LIX1L: variants seen among roughly 807,000 people sequenced by gnomAD.
The protein encoded by LIX1L is LIX1-like protein.
A neutral mutation model predicts 34.0 loss-of-function variants in LIX1L; 20 were observed. That is an observed-to-expected ratio of 0.59 (90% CI 0.41 to 0.85). The LOEUF is 0.85. Among genes scored for constraint, LIX1L ranks in the 40% least tolerant of loss-of-function variants. The pLI, the probability that LIX1L is intolerant of heterozygous loss-of-function variation, is 0.00. For missense variants in LIX1L, 397 were observed against 447.0 expected (o/e 0.89, Z 1.01); for synonymous variants, 170 against 187.4 (o/e 0.91, Z 0.76).
At chr1:145,952,151 T>C (rs2101907210) in intron 1 of LIX1L, among the ~76,000 whole-genome samples, 1 of 152,294 alleles carries the variant, frequency 6.6e-6, no homozygotes, top group African/African-American at 2.4e-5. Context: ...AATCTAGATT[T>C]CCGGGGGCCA....
At chr1:145,956,473 G>A (rs1008243255) in intron 1 of LIX1L, among the ~76,000 whole-genome samples, 11 of 152,140 alleles carry the variant, frequency 7.2e-5, no homozygotes, top group Admixed American at 6.5e-4. Context: ...AGAAACTGAA[G>A]CTCAGTGAAA....
chr1:145,946,757 TATG>T (rs1553759292), intron 2 of LIX1L, among the ~76,000 whole-genome samples: 1 of 152,174 alleles, frequency 6.6e-6, no homozygotes, highest in African/African-American at 2.4e-5. Flanking sequence ...TAATAAGTGA[TATG>T]ATAGGGGAAG....
intron 2 of LIX1L, chr1:145,944,393 T>C (rs946943772): frequency 1.9e-4 from 29 of 152,188 alleles, no homozygotes; most frequent in African/African-American, 6.3e-4. Context: ...AGGATGTGTT[T>C]AGTACTTAAG....
chr1:145,957,552 G>T, intron 1 of LIX1L, 84 bp downstream of exon 1: 2 of 1,358,146 alleles, frequency 1.5e-6, no homozygotes, highest in Non-Finnish European at 1.9e-6. Flanking sequence ...AGGGCTCCAC[G>T]CCAGGAAAAG....
rs181303296 is a variant in LIX1L at position 145,947,652 on chromosome 1, G to A, written c.423C>T (p.Thr141=). Residue 141 remains threonine (T), a synonymous_variant, in exon 2 of 6, where the codon ACC becomes ACT. Coordinates refer to ENST00000604000, the MANE Select transcript of LIX1L (RefSeq NM_153713.3). ...TCCCAAAGCAGCTTCCCCCAGGCAG[G>A]GTGACATAGCAGACATAAGGAGGGC... ...SNSPPYVCYV[T]LPGGSCFGSF... 1 of 1,614,062 alleles carries A rather than the reference G, an allele frequency of 6.2e-7. No homozygotes were observed. Among genetic ancestry groups the A allele is most frequent in the Admixed American group, 1.7e-5 (1 of 60,012 alleles).
intron 3 of LIX1L, chr1:145,942,099 T>C (rs1334067609): frequency 6.6e-6 from 1 of 151,942 alleles, no homozygotes; most frequent in East Asian, 1.9e-4. Context: ...TTAGCCAGGA[T>C]GGTCTCGATC....
intron 1 of LIX1L, among the ~76,000 whole-genome samples, chr1:145,951,828 C>T (rs1476491252): frequency 1.3e-5 from 2 of 152,130 alleles, no homozygotes; most frequent in Non-Finnish European, 2.9e-5. Flanking sequence ...TTGGGAAGGT[C>T]CTATTAAAAA....
In LIX1L at chr1:145,945,501, C is replaced by T. The variant is rs587684860; in HGVS notation, c.456+2118G>A. ...GTGGCTCACGCCTGTAATTCCAGCA[C>T]CTTGGGAGGCCGAGGTGGGCGGATT... On this transcript the variant is annotated intron_variant, in intron 2 of 5. Transcript: ENST00000604000. 4.6e-5 allele frequency among the ~76,000 whole-genome samples: 7 copies of T among 151,960 alleles called. No homozygotes were observed. In the South Asian group the frequency reaches 8.3e-4, roughly 18 times the overall value.
In LIX1L at chr1:145,936,443, T is replaced by C. The variant is rs1553757823; in HGVS notation, c.881A>G (p.Glu294Gly). The C allele has an allele frequency of 6.2e-7, 1 of 1,614,058 alleles. No individual in the cohort carries two copies. The highest frequency in any genetic ancestry group is 2.2e-5 in the East Asian group (1 of 44,872). The change falls in exon 6 of 6, where the codon GAG (glutamate) becomes GGG (glycine). Residue 294 changes from glutamate (E) to glycine (G), a missense_variant. Physicochemically the swap from Glu to Gly is moderately conservative, Grantham distance 98. Transcript: ENST00000604000. ...CAGCTCCCGCTCAGTAGAGGCCAGC[T>C]CTCTAGACAGTGCCCCCGGCACACT... ...EQSVPGALSR[E>G]LASTERELDE...
intron 2 of LIX1L, among the ~76,000 whole-genome samples, chr1:145,944,057 A>G (rs2101899601): frequency 6.8e-6 from 1 of 146,776 alleles, no homozygotes; most frequent in African/African-American, 2.5e-5. Context: ...GAAAACTTAA[A>G]ATAAAAAGTA....
chr1:145,936,563 AG>A lies in LIX1L; in HGVS notation c.772-12del. 3 of 1,613,870 alleles carry A rather than the reference AG, an allele frequency of 1.9e-6. No homozygotes were observed. The East Asian group carries it at 6.7e-5, about 36-fold the overall frequency. On this transcript the variant is annotated splice_polypyrimidine_tract_variant and intron_variant, in intron 5 of 5. Transcript: ENST00000604000. ...ATGAGCCAACACCTCCTAGTAGGGGAGGGGAATGTGAACATCATTGAGAAGG... is the reference window on the plus strand; with the variant it reads ...ATGAGCCAACACCTCCTAGTAGGGGAGGGAATGTGAACATCATTGAGAAGG...
rs1553757788 is a variant in LIX1L, at chr1:145,936,304, G to T, written c.*6C>A. The T allele has an allele frequency of 6.2e-7, 1 of 1,613,616 alleles. No homozygotes were observed. The highest frequency in any genetic ancestry group is 2.2e-5 in the East Asian group (1 of 44,878). On this transcript the variant is annotated 3_prime_UTR_variant, in exon 6 of 6. Transcript: ENST00000604000. ...GGAAAGCCTGGGGAGTTATGTGGGT[G>T]GATGCCTAGCAGTTGGAAGAATGCA...
chr1:145,943,405 G>A (rs1648993295), intron 2 of LIX1L, among the ~76,000 whole-genome samples: 1 of 152,162 alleles, frequency 6.6e-6, no homozygotes, highest in African/African-American at 2.4e-5. Context: ...GTGAGCCAAA[G>A]GAGCTATCCC....
At chr1:145,954,675 G>A (rs1261881147) in intron 1 of LIX1L, among the ~76,000 whole-genome samples, 2 of 152,160 alleles carry the variant, frequency 1.3e-5, no homozygotes, top group Non-Finnish European at 2.9e-5. Flanking sequence ...TGTCAAACAT[G>A]AGAAAGAGAC....
chr1:145,937,437 G>A (rs1648702330), intron 4 of LIX1L, 167 bp downstream of exon 4: 2 of 535,776 alleles, frequency 3.7e-6, no homozygotes, highest in African/African-American at 1.9e-5. Context: ...GGGATTACAG[G>A]CCTGAGCCAC....
chr1:145,953,860 C>G (rs1553760066), intron 1 of LIX1L, among the ~76,000 whole-genome samples: 1 of 152,056 alleles, frequency 6.6e-6, no homozygotes, highest in African/African-American at 2.4e-5. Flanking sequence ...TCAAGATCAG[C>G]CTGGGCAACA....
intron 1 of LIX1L, among the ~76,000 whole-genome samples, chr1:145,954,942 T>G (rs1553760208): frequency 6.6e-6 from 1 of 152,228 alleles, no homozygotes; most frequent in African/African-American, 2.4e-5. Flanking sequence ...AAACAATGTT[T>G]GTTTGGCTCC....
In LIX1L at chr1:145,936,192, C is replaced by CAT; in HGVS notation, c.*116_*117dup. ...GGAATCTAGGTGTAGAATTTATACA[C>CAT]ATATATATTTTTTAAAGTATAAAAA... On this transcript the variant is annotated 3_prime_UTR_variant, in exon 6 of 6. Transcript: ENST00000604000. The CAT allele has an allele frequency of 8.7e-7, 1 of 1,148,774 alleles. No homozygotes were observed. Among genetic ancestry groups the CAT allele is most frequent in the East Asian group, 2.6e-5 (1 of 38,762 alleles). 71.2% of individuals were successfully genotyped at this position (1,148,774 alleles called of 1,614,324 possible). A position where few individuals can be genotyped will look rare whatever the true frequency, so the allele number is the denominator to read the frequency against.
rs1458314078 is a variant in LIX1L, at chr1:145,948,742, GA to G, written c.293-961del. ...CTTCACATCTTGCTAGGTACACCAAGATTGCAAATCCCTGACTGCTCTTTAC... is the reference window on the plus strand; with the variant it reads ...CTTCACATCTTGCTAGGTACACCAAGTTGCAAATCCCTGACTGCTCTTTAC... On this transcript the variant is annotated intron_variant, in intron 1 of 5. Transcript: ENST00000604000. The surrounding 1 kb of genome is among the most constrained non-coding windows in gnomAD (Gnocchi z 4.0). 6.6e-6 allele frequency: 1 copy of G among 152,218 alleles called. No individual in the cohort carries two copies. The highest frequency in any genetic ancestry group is 1.5e-5 in the Non-Finnish European group (1 of 68,030). The allele number at this position is 152,218 out of a possible 1,614,324, so 9.4% of individuals were successfully genotyped here. A position where few individuals can be genotyped will look rare whatever the true frequency, so the allele number is the denominator to read the frequency against.
Sources: allele counts gnomAD v4.1 joint callset (sites outside exome capture counted in the v4.1 genomes callset), GRCh38; gene constraint gnomAD v4.1.1; non-coding constraint Gnocchi (gnomAD v3.1); transcripts MANE v1.5; gene names NCBI Gene and HGNC (gene_info 2026-07-23, HGNC 2026-07-21).